The following NBEA variants were observed in gnomAD, a reference collection of about 807,000 sequenced individuals.
The protein encoded by NBEA is lysosomal-trafficking regulator 2.
NBEA carries 44 observed loss-of-function variants against 343.4 expected under a neutral mutation model. The observed-to-expected ratio is 0.13, with a 90% CI of 0.10 to 0.16. The LOEUF is 0.16. NBEA is among the 10% of genes least tolerant of loss of function. NBEA has a pLI of 1.00. For synonymous variants in NBEA, 1,175 were observed against 1,238.7 expected, an observed-to-expected ratio of 0.95 and a Z score of 1.08; for missense variants, 2,555 against 3,631.3, an observed-to-expected ratio of 0.70 and a Z score of 7.62.
chr13:35,284,266 A>G (rs928912157), intron 34 of NBEA, among the ~76,000 whole-genome samples: 1 of 152,188 alleles, frequency 6.6e-6, no homozygotes, highest in African/African-American at 2.4e-5. Context: ...TTTTAAAGAC[A>G]GTAAGACTGC....
At chr13:34,966,607 A>ATCTC (rs1287633811) in intron 1 of NBEA, among the ~76,000 whole-genome samples, 1 of 145,382 alleles carries the variant, frequency 6.9e-6, no homozygotes, top group Non-Finnish European at 1.5e-5. Flanking sequence ...TATGTTACAT[A>ATCTC]TCTCTGAGCC....
intron 1 of NBEA, among the ~76,000 whole-genome samples, chr13:34,973,109 T>G (rs1187984149): frequency 6.6e-6 from 1 of 152,186 alleles, no homozygotes; most frequent in Non-Finnish European, 1.5e-5. Flanking sequence ...TTCCAGTACC[T>G]ACCTGAAGGT....
At chr13:34,985,705 C>T (rs1464303611) in intron 1 of NBEA, among the ~76,000 whole-genome samples, 3 of 150,780 alleles carry the variant, frequency 2.0e-5, no homozygotes, top group Non-Finnish European at 3.0e-5. Flanking sequence ...TAATTATTGC[C>T]TGAATTTCAG....
chr13:34,961,086 G>C (rs1189079222), intron 1 of NBEA, among the ~76,000 whole-genome samples: 1 of 151,972 alleles, frequency 6.6e-6, no homozygotes, highest in East Asian at 1.9e-4. Flanking sequence ...CGAAAGAATG[G>C]TTGTAGTTTT....
chr13:35,002,181 G>T (rs185693804), intron 1 of NBEA, among the ~76,000 whole-genome samples: 4 of 152,296 alleles, frequency 2.6e-5, no homozygotes, highest in Admixed American at 1.3e-4. Flanking sequence ...AGTTGCAGTT[G>T]GTAGGGAGCT....
At chr13:34,997,365 T>C (rs887163540) in intron 1 of NBEA, among the ~76,000 whole-genome samples, 1 of 152,220 alleles carries the variant, frequency 6.6e-6, no homozygotes, top group Non-Finnish European at 1.5e-5. Context: ...TTGTAACGTC[T>C]TTTTCAGTTT....
At chr13:35,065,965 C>T (rs2063636745) in intron 8 of NBEA, among the ~76,000 whole-genome samples, 1 of 151,858 alleles carries the variant, frequency 6.6e-6, no homozygotes, top group Non-Finnish European at 1.5e-5. Flanking sequence ...TTCGTGTGTA[C>T]ATTTTTTTTT....
intron 34 of NBEA, among the ~76,000 whole-genome samples, chr13:35,269,309 C>T (rs1045612831): frequency 2.0e-5 from 3 of 151,830 alleles, no homozygotes; most frequent in Non-Finnish European, 4.4e-5. Context: ...AAAATAGGAC[C>T]TGAAGTGAAA....
rs183153359 is a variant in NBEA at position 34,942,988 on chromosome 13, C to A, written c.168C>A (p.Leu56=). The change falls in exon 1 of 59, where the codon CTC becomes CTA. Residue 56 remains leucine, a synonymous_variant. Coordinates refer to ENST00000379939, the MANE Select transcript of NBEA (RefSeq NM_001385012.1). The part of the protein sequence containing the change: ...RGASGSGSVM[L]PAGMINPSVP... ...CGTCCGGCTCCGGCTCGGTGATGCT[C>A]CCCGCGGGGATGATTAACCCTTCGG... 1 of 1,609,526 alleles carries A rather than the reference C, an allele frequency of 6.2e-7. No homozygotes were observed. Among genetic ancestry groups the A allele is most frequent in the Non-Finnish European group, 8.5e-7 (1 of 1,178,068 alleles).
rs142474233 is a variant in NBEA, at chr13:35,432,095, AAT to A, written c.6180-161_6180-160del. On this transcript the variant is annotated intron_variant, in intron 38 of 58. Coordinates refer to ENST00000379939, the MANE Select transcript of NBEA (RefSeq NM_001385012.1). ...TTAAGTCTTTTTCACTTGTAGAGGAAATATATATATATATGTATATATATACA... is the reference window on the plus strand; with the variant it reads ...TTAAGTCTTTTTCACTTGTAGAGGAAATATATATATATGTATATATATACA... 4.6e-3 allele frequency among the ~76,000 whole-genome samples: 692 copies of A among 150,892 alleles called. 5 individuals are homozygous for A. Among genetic ancestry groups the A allele is most frequent in the African/African-American group, 0.016 (658 of 41,220 alleles).
intron 31 of NBEA, among the ~76,000 whole-genome samples, chr13:35,200,950 A>G (rs2072979191): frequency 6.6e-6 from 1 of 151,954 alleles, no homozygotes; most frequent in Non-Finnish European, 1.5e-5. Flanking sequence ...TTAAAGTTAG[A>G]ATTAAGTAAC....
At chr13:35,481,193 T>G (rs2076107551) in intron 41 of NBEA, among the ~76,000 whole-genome samples, 1 of 152,094 alleles carries the variant, frequency 6.6e-6, no homozygotes, top group Middle Eastern at 3.4e-3. Flanking sequence ...ACAGTGTTGC[T>G]TAATAAGCTT....
intron 1 of NBEA, among the ~76,000 whole-genome samples, chr13:35,026,167 G>A (rs2062014184): frequency 6.6e-6 from 1 of 152,010 alleles, no homozygotes; most frequent in South Asian, 2.1e-4. Context: ...CATTTCCCCT[G>A]CTTGCCCTCA....
intron 36 of NBEA, among the ~76,000 whole-genome samples, chr13:35,339,208 ACT>A (rs1205443813): frequency 1.3e-5 from 2 of 151,898 alleles, no homozygotes; most frequent in Non-Finnish European, 1.5e-5. Flanking sequence ...AAGAAACAAA[ACT>A]CTCTATTTGT....
intron 40 of NBEA, among the ~76,000 whole-genome samples, chr13:35,470,438 C>G (rs1321234129): frequency 1.3e-5 from 2 of 151,660 alleles, no homozygotes; most frequent in Admixed American, 6.6e-5. Flanking sequence ...AGAAGTAATT[C>G]ACCATTTTTA....
chr13:35,227,653 T>C (rs1281962675), intron 33 of NBEA, among the ~76,000 whole-genome samples: 2 of 152,042 alleles, frequency 1.3e-5, no homozygotes, highest in African/African-American at 4.8e-5. Flanking sequence ...AAGAAATGAA[T>C]TAGGAAATTT....
chr13:35,395,644 A>G (rs543906743), intron 38 of NBEA, among the ~76,000 whole-genome samples: 2 of 152,228 alleles, frequency 1.3e-5, no homozygotes, highest in Non-Finnish European at 1.5e-5. Flanking sequence ...TGTTCTATAA[A>G]TTTAAATTAG....
rs1425019922 is a variant in NBEA, at chr13:35,584,016, C to T, written c.7154C>T (p.Thr2385Ile). Residue 2385 changes from threonine (T) to isoleucine (I), a missense_variant, in exon 46 of 59, where the codon ACT becomes ATT. Physicochemically the swap from Thr to Ile is moderately conservative, Grantham distance 89. This residue lies in a region of NBEA where 156 missense variants were observed against 185.8 expected (regional missense o/e 0.84). Coordinates refer to ENST00000379939, the MANE Select transcript of NBEA (RefSeq NM_001385012.1). Reference protein sequence around the residue: ...YNTHYSTATSTLSWLVRIEPF... With the variant: ...YNTHYSTATSILSWLVRIEPF... ...ACCCATTATTCAACAGCAACATCTA[C>T]TTTATCCTGGCTTGTTCGAATTGTG... is the stretch of plus-strand genomic sequence containing the variant. 4 of 1,613,692 alleles carry T rather than the reference C, an allele frequency of 2.5e-6. No homozygotes were observed. Among genetic ancestry groups the T allele is most frequent in the Non-Finnish European group, 3.4e-6 (4 of 1,179,742 alleles).
Position 35,045,378 on chromosome 13 carries a change from A to G in NBEA, c.700A>G (p.Asn234Asp). The G allele has an allele frequency of 6.2e-7, 1 of 1,610,580 alleles. No homozygotes were observed. Among genetic ancestry groups the G allele is most frequent in the Non-Finnish European group, 8.5e-7 (1 of 1,178,310 alleles). Residue 234 changes from asparagine to aspartate, a missense_variant, in exon 4 of 59, where the codon AAT becomes GAT. By Grantham distance (23) the Asn-to-Asp change is conservative. Around this residue, in one of 21 missense-constraint regions of NBEA, gnomAD observed 185 missense variants for 290.6 expected, o/e 0.64. Transcript: ENST00000379939. ...PQRHGPDTFF[N>D]FPGCSAAAIA... The stretch of plus-strand genomic sequence containing the variant: ...GAGACACGGTCCTGATACTTTTTTC[A>G]ATTTCCCTGGTTGTAGCGCTGCGGT...
Sources: allele counts gnomAD v4.1 joint callset (sites outside exome capture counted in the v4.1 genomes callset), GRCh38; gene constraint gnomAD v4.1.1; regional missense constraint gnomAD v4.1.1; transcripts MANE v1.5; gene names NCBI Gene and HGNC (gene_info 2026-07-23, HGNC 2026-07-21).